The following KALRN variants were observed in gnomAD, a reference collection of about 807,000 sequenced individuals.
KALRN encodes the protein kalirin RhoGEF kinase, also known as kalirin.
Under a neutral mutation model 353.7 loss-of-function variants are expected in KALRN, and 70 were observed. That is an observed-to-expected ratio of 0.20 (90% confidence interval 0.16 to 0.24). KALRN has a LOEUF of 0.24. KALRN is among the 10% of genes least tolerant of loss of function. The pLI is 1.00. For missense variants in KALRN, 2,791 were observed against 3,756.7 expected (o/e 0.74, Z 6.72); for synonymous variants, 1,391 against 1,434.8 (o/e 0.97, Z 0.69).
chr3:124,689,069 T>C (rs898860238), intron 51 of KALRN, among the ~76,000 whole-genome samples: 2 of 152,206 alleles, frequency 1.3e-5, no homozygotes, highest in African/African-American at 4.8e-5. Context: ...CTGTAGTTCT[T>C]TCCCACGGTG....
At chr3:124,353,958 A>ATC (rs1251880076) in intron 10 of KALRN, among the ~76,000 whole-genome samples, 8 of 152,200 alleles carry the variant, frequency 5.3e-5, no homozygotes, top group Non-Finnish European at 1.2e-4. Flanking sequence ...GTATGAGCTG[A>ATC]TGGGAGACCA....
chr3:124,722,543 G>A lies in KALRN; in HGVS notation c.*3073G>A, dbSNP rs2063371050. 1 of 152,180 alleles carries A rather than the reference G, an allele frequency of 6.6e-6. No individual in the cohort carries two copies. The allele number at this position is 152,180 out of a possible 1,614,324, so 9.4% of individuals were successfully genotyped here. A position where few individuals can be genotyped will look rare whatever the true frequency, so the allele number is the denominator to read the frequency against. ...CTGGTCCCTCCCAACAGAGATAAGA[G>A]AGTAGTCTTGGTTCAAGAGTTCTCC... is the stretch of plus-strand genomic sequence containing the variant. On this transcript the variant is annotated 3_prime_UTR_variant, in exon 60 of 60. Coordinates refer to ENST00000682506, the MANE Select transcript of KALRN (RefSeq NM_001388419.1).
intron 34 of KALRN, among the ~76,000 whole-genome samples, chr3:124,574,840 G>A (rs2073923788): frequency 6.6e-6 from 1 of 152,252 alleles, no homozygotes; most frequent in African/African-American, 2.4e-5. Flanking sequence ...GAAGGGCAGA[G>A]ATGGGAGGAC....
intron 1 of KALRN, among the ~76,000 whole-genome samples, chr3:124,060,575 CT>C (rs2041919543): frequency 6.6e-6 from 1 of 152,220 alleles, no homozygotes. Context: ...CTTCCCCCAG[CT>C]GCAGGACTGA....
chr3:124,283,594 G>A (rs2075554995), intron 5 of KALRN, among the ~76,000 whole-genome samples: 1 of 152,140 alleles, frequency 6.6e-6, no homozygotes, highest in Non-Finnish European at 1.5e-5. Flanking sequence ...TAATGAGTGT[G>A]TTGCCAGTGC....
chr3:124,093,261 G>C (rs1442995682), intron 1 of KALRN, among the ~76,000 whole-genome samples: 1 of 152,208 alleles, frequency 6.6e-6, no homozygotes, highest in Non-Finnish European at 1.5e-5. Flanking sequence ...TGCTGAGGGA[G>C]ACATGCCTCC....
At chr3:124,086,804 A>G (rs2060851021) in intron 1 of KALRN, among the ~76,000 whole-genome samples, 1 of 152,206 alleles carries the variant, frequency 6.6e-6, no homozygotes, top group Non-Finnish European at 1.5e-5. Flanking sequence ...AACCATCAGT[A>G]TTAGTTTCTC....
At chr3:124,182,524 C>T (rs2073739678) in intron 1 of KALRN, among the ~76,000 whole-genome samples, 1 of 152,202 alleles carries the variant, frequency 6.6e-6, no homozygotes, top group African/African-American at 2.4e-5. Context: ...AGAGAATCCT[C>T]TGGCAAGATG....
At chr3:124,540,312 T>C (rs1470319315) in intron 33 of KALRN, among the ~76,000 whole-genome samples, 2 of 152,182 alleles carry the variant, frequency 1.3e-5, no homozygotes, top group Non-Finnish European at 2.9e-5. Context: ...TCAGGCTCTT[T>C]TAGAAGAAAA....
intron 1 of KALRN, among the ~76,000 whole-genome samples, chr3:124,125,918 A>G (rs66826699): frequency 0.11 from 16,624 of 152,198 alleles, 1,185 homozygotes; most frequent in Middle Eastern, 0.2. Context: ...TCCATGAGTT[A>G]GAGGCTGCGT....
chr3:124,264,706 C>T lies in KALRN; in HGVS notation c.456+16C>T. ...CATCTTTGAGGTGAGCCAGATTTCTCTCTCTTAGCATCTTCTTTCCCTTCC... is the reference window on the plus strand; with the variant it reads ...CATCTTTGAGGTGAGCCAGATTTCTTTCTCTTAGCATCTTCTTTCCCTTCC... On this transcript the variant is annotated intron_variant, in intron 4 of 59. Coordinates refer to ENST00000682506, the MANE Select transcript of KALRN (RefSeq NM_001388419.1). 6.2e-7 allele frequency: 1 copy of T among 1,608,328 alleles called. No individual in the cohort carries two copies. The highest frequency in any genetic ancestry group is 8.5e-7 in the Non-Finnish European group (1 of 1,174,760).
intron 34 of KALRN, among the ~76,000 whole-genome samples, chr3:124,626,828 ATAAGAT>A (rs1384002440): frequency 2.6e-5 from 4 of 152,236 alleles, no homozygotes; most frequent in Admixed American, 6.5e-5. Flanking sequence ...GGATGTAGAG[ATAAGAT>A]TAAATACATG....
intron 1 of KALRN, among the ~76,000 whole-genome samples, chr3:124,188,083 A>G (rs1278763213): frequency 1.3e-5 from 2 of 151,950 alleles, no homozygotes; most frequent in Non-Finnish European, 2.9e-5. Flanking sequence ...AATTATTGAG[A>G]CTCTTCAGGC....
At chr3:124,585,063 G>C (rs1320079779) in intron 34 of KALRN, among the ~76,000 whole-genome samples, 1 of 152,218 alleles carries the variant, frequency 6.6e-6, no homozygotes, top group African/African-American at 2.4e-5. Flanking sequence ...AGTTTGCTGC[G>C]ATCCGTTTCA....
intron 1 of KALRN, among the ~76,000 whole-genome samples, chr3:124,072,812 T>C (rs1419495699): frequency 1.3e-5 from 2 of 152,174 alleles, no homozygotes; most frequent in South Asian, 2.1e-4. Flanking sequence ...TAGAGAAAGA[T>C]TGTGTAGAAG....
chr3:124,263,005 A>G (rs1010980855), intron 3 of KALRN, among the ~76,000 whole-genome samples: 1 of 149,286 alleles, frequency 6.7e-6, no homozygotes, highest in Admixed American at 6.7e-5. Flanking sequence ...CTTTAAAAAC[A>G]TAAGAGAAGG....
At chr3:124,231,712 T>TA (rs2079174763) in intron 2 of KALRN, among the ~76,000 whole-genome samples, 1 of 48,798 alleles carries the variant, frequency 2.0e-5, no homozygotes, top group Admixed American at 2.9e-4. Context: ...AAGAACTTTA[T>TA]TTTTTTTTTT....
chr3:124,144,544 C>A (rs551221995), intron 1 of KALRN, among the ~76,000 whole-genome samples: 3 of 152,044 alleles, frequency 2.0e-5, no homozygotes, highest in Non-Finnish European at 4.4e-5. Context: ...TCCTCCTCCT[C>A]TTCCTCATCA....
chr3:124,098,361 C>T (rs1377738639), intron 1 of KALRN, among the ~76,000 whole-genome samples: 1 of 152,142 alleles, frequency 6.6e-6, no homozygotes, highest in Admixed American at 6.6e-5. Flanking sequence ...CTCCTTAATC[C>T]CACCCATTCC....
Sources: allele counts gnomAD v4.1 joint callset (sites outside exome capture counted in the v4.1 genomes callset), GRCh38; gene constraint gnomAD v4.1.1; transcripts MANE v1.5; gene names NCBI Gene and HGNC (gene_info 2026-07-23, HGNC 2026-07-21).